DPT: variants seen among roughly 807,000 people sequenced by gnomAD.
The protein encoded by DPT is tyrosine-rich acidic matrix protein.
A neutral mutation model predicts 31.2 loss-of-function variants in DPT; 21 were observed. That is an observed-to-expected ratio of 0.67 (90% CI 0.48 to 0.97). The LOEUF is 0.97. Among genes scored for constraint, DPT ranks in the 50% least tolerant of loss-of-function variants. The pLI is 0.00. For synonymous variants in DPT, 91 were observed against 86.9 expected (o/e 1.05, Z -0.26); for missense variants, 262 against 258.8 (o/e 1.01, Z -0.08).
At chr1:168,723,260 G>A (rs1442422263) in intron 1 of DPT, among the ~76,000 whole-genome samples, 2 of 152,252 alleles carry the variant, frequency 1.3e-5, no homozygotes, top group African/African-American at 4.8e-5. Flanking sequence ...AATCAGGCTG[G>A]CTGGCTCAGG....
rs560433140 is a variant in DPT, at chr1:168,727,063, G to A, written c.305+1807C>T. Among the ~76,000 whole-genome samples the A allele has an allele frequency of 2.6e-5, 4 of 152,298 alleles. No homozygotes were observed. In the South Asian group the frequency reaches 8.3e-4, roughly 32 times the overall value. On this transcript the variant is annotated intron_variant, in intron 1 of 3. Transcript: ENST00000367817. ...CCTCTGGGGCTGGGCTTCTGCTGTG[G>A]TCTTGCAGGTCCCCACCCTCTCCAG...
intron 3 of DPT, among the ~76,000 whole-genome samples, chr1:168,698,289 G>A (rs1272075678): frequency 2.0e-5 from 3 of 152,148 alleles, no homozygotes; most frequent in African/African-American, 7.2e-5. Context: ...TCAACTTGAG[G>A]GTCTGGGTGA....
chr1:168,728,779 A>G (rs1174608377), intron 1 of DPT, 91 bp downstream of exon 1: 3 of 1,492,188 alleles, frequency 2.0e-6, no homozygotes, highest in Admixed American at 1.8e-5. Context: ...GGCTTTGGTT[A>G]CTGATATTCC....
rs2101896443 is a variant in DPT at position 168,695,878 on chromosome 1, A to G, written c.*671T>C. The G allele has an allele frequency of 3.4e-6, 1 of 290,542 alleles. No homozygotes were observed. Among genetic ancestry groups the G allele is most frequent in the South Asian group, 1.7e-4 (1 of 6,026 alleles). 18.0% of individuals were successfully genotyped at this position (290,542 alleles called of 1,614,324 possible). Reference sequence around the variant, plus strand: ...CCTCACGGGTTCCCCTGGCCCCTGCACTCATTTTCCTTACTGGGTATGCTA... The same window carrying G: ...CCTCACGGGTTCCCCTGGCCCCTGCGCTCATTTTCCTTACTGGGTATGCTA... On this transcript the variant is annotated 3_prime_UTR_variant, in exon 4 of 4. Coordinates refer to ENST00000367817, the MANE Select transcript of DPT (RefSeq NM_001937.5).
At chr1:168,722,351 G>A (rs367832983) in intron 1 of DPT, among the ~76,000 whole-genome samples, 1 of 152,052 alleles carries the variant, frequency 6.6e-6, no homozygotes, top group Admixed American at 6.5e-5. Context: ...TATTTCAGAG[G>A]CTCTGTAATC....
At chr1:168,701,741 A>G (rs1649602708) in intron 2 of DPT, among the ~76,000 whole-genome samples, 1 of 152,212 alleles carries the variant, frequency 6.6e-6, no homozygotes, top group Non-Finnish European at 1.5e-5. Context: ...TGCCTTGTCC[A>G]CCATTGTTCA....
At chr1:168,712,703 A>G (rs1241901014) in intron 2 of DPT, among the ~76,000 whole-genome samples, 1 of 152,146 alleles carries the variant, frequency 6.6e-6, no homozygotes, top group Non-Finnish European at 1.5e-5. Context: ...ATCTTTTCCA[A>G]AAGTGTCTTT....
intron 1 of DPT, among the ~76,000 whole-genome samples, chr1:168,723,422 C>T (rs191814667): frequency 2.0e-5 from 3 of 152,246 alleles, no homozygotes. Flanking sequence ...CTTCCTGGGG[C>T]CTGGGAAAGT....
In DPT at chr1:168,729,060, C is replaced by T. The variant is rs998688; in HGVS notation, c.115G>A (p.Val39Met). The change falls in exon 1 of 4, where the codon GTG becomes ATG. Residue 39 changes from valine to methionine, a missense_variant. Physicochemically the swap from Val to Met is conservative, Grantham distance 21 (BLOSUM62 1). Coordinates refer to ENST00000367817, the MANE Select transcript of DPT (RefSeq NM_001937.5). ...CTGAAGCCTTGCCGGTTCAAATTCACCCACCCATCATCGCTGTAGTCATGA... is the reference window on the plus strand; with the variant it reads ...CTGAAGCCTTGCCGGTTCAAATTCATCCACCCATCATCGCTGTAGTCATGA... ...QYHDYSDDGW[V>M]NLNRQGFSYQ... 6,309 of 1,614,232 alleles carry T rather than the reference C, an allele frequency of 3.9e-3. 350 individuals carry two copies. The Admixed American group carries it at 0.1, about 25-fold the overall frequency.
rs1429198979 is a variant in DPT at position 168,728,796 on chromosome 1, G to A, written c.305+74C>T. The stretch of plus-strand genomic sequence containing the variant: ...CTTTGGTTACTGATATTCCTTGAGA[G>A]TCTAGCAGCCCCCAGGAGGAGGGAT... On this transcript the variant is annotated intron_variant, in intron 1 of 3. Coordinates refer to ENST00000367817, the MANE Select transcript of DPT (RefSeq NM_001937.5). 6 of 1,547,480 alleles carry A rather than the reference G, an allele frequency of 3.9e-6. No homozygotes were observed. The African/African-American group carries it at 5.4e-5, about 14-fold the overall frequency.
intron 2 of DPT, among the ~76,000 whole-genome samples, chr1:168,708,484 C>A (rs114121809): frequency 0.026 from 3,903 of 152,270 alleles, 174 homozygotes; most frequent in African/African-American, 0.089. Flanking sequence ...ACATCTAGTC[C>A]AATTTCCTCA....
intron 2 of DPT, among the ~76,000 whole-genome samples, chr1:168,706,032 T>A (rs1649710900): frequency 6.6e-6 from 1 of 152,220 alleles, no homozygotes; most frequent in South Asian, 2.1e-4. Context: ...CCTCTTTCTT[T>A]TGTAAATTGC....
Position 168,701,008 on chromosome 1 carries a change from C to T in DPT, c.539+9G>A. On this transcript the variant is annotated intron_variant, in intron 3 of 3. Coordinates refer to ENST00000367817, the MANE Select transcript of DPT (RefSeq NM_001937.5). ...CCCTAGCCCATTGGGAAGGGGCTGT[C>T]TTTCTCACCTTTCCACTGCAGAGAA... The T allele has an allele frequency of 1.2e-6, 2 of 1,608,004 alleles. No homozygotes were observed. The highest frequency in any genetic ancestry group is 1.7e-6 in the Non-Finnish European group (2 of 1,174,770).
chr1:168,714,258 A>G lies in DPT; in HGVS notation c.394T>C (p.Cys132Arg). The change falls in exon 2 of 4, where the codon TGT becomes CGT. Residue 132 changes from cysteine (C) to arginine (R), a missense_variant. By Grantham distance (180) the Cys-to-Arg change is radical. Coordinates refer to ENST00000367817, the MANE Select transcript of DPT (RefSeq NM_001937.5). ...GGGCACCTCTTGCTGTAGCGACAACAGTAAAACTGCCACTCCCGATCCAGC... is the reference window on the plus strand; with the variant it reads ...GGGCACCTCTTGCTGTAGCGACAACGGTAAAACTGCCACTCCCGATCCAGC... ...SVLDREWQFY[C>R]CRYSKRCPYS... 1.9e-6 allele frequency: 3 copies of G among 1,614,068 alleles called. No individual in the cohort carries two copies. Among genetic ancestry groups the G allele is most frequent in the Non-Finnish European group, 2.5e-6 (3 of 1,180,018 alleles).
intron 2 of DPT, among the ~76,000 whole-genome samples, chr1:168,704,135 G>T (rs182195617): frequency 1.3e-5 from 2 of 152,252 alleles, no homozygotes; most frequent in Admixed American, 1.3e-4. Flanking sequence ...GTAGGTCGGG[G>T]AAGAGTTCGG....
At chr1:168,710,128 T>C (rs899639908) in intron 2 of DPT, among the ~76,000 whole-genome samples, 2 of 152,228 alleles carry the variant, frequency 1.3e-5, no homozygotes, top group Admixed American at 1.3e-4. Context: ...ACTCAGGCAA[T>C]TTAAAGATGC....
At chr1:168,700,420 T>G (rs891653067) in intron 3 of DPT, among the ~76,000 whole-genome samples, 1 of 152,224 alleles carries the variant, frequency 6.6e-6, no homozygotes, top group African/African-American at 2.4e-5. Context: ...TAATGTGGTA[T>G]AGCAGCCCAG....
intron 2 of DPT, among the ~76,000 whole-genome samples, chr1:168,706,229 A>C (rs17568742): frequency 0.074 from 11,285 of 152,124 alleles, 543 homozygotes; most frequent in South Asian, 0.13. Flanking sequence ...TTTGGAGGAG[A>C]AACTCAACAT....
chr1:168,716,601 A>G (rs1429994071), intron 1 of DPT, among the ~76,000 whole-genome samples: 1 of 152,164 alleles, frequency 6.6e-6, no homozygotes, highest in Non-Finnish European at 1.5e-5. Flanking sequence ...GGTTTATTAC[A>G]TAGGTATATG....
Sources: allele counts gnomAD v4.1 joint callset (sites outside exome capture counted in the v4.1 genomes callset), GRCh38; gene constraint gnomAD v4.1.1; transcripts MANE v1.5; gene names NCBI Gene and HGNC (gene_info 2026-07-23, HGNC 2026-07-21).